ADK: variants seen among roughly 807,000 people sequenced by gnomAD.
ADK encodes the protein N6,N6-dimethyladenosine kinase.
A neutral mutation model predicts 44.7 loss-of-function variants in ADK; 24 were observed. The ratio of observed to expected loss-of-function variants is 0.54; its 90% CI spans 0.39 to 0.76. ADK has a LOEUF of 0.76. Ranked by LOEUF, ADK falls within the 30% of genes least tolerant of loss-of-function variation. The pLI, the probability that ADK is intolerant of heterozygous loss-of-function variation, is 0.00. For synonymous variants in ADK, 128 were observed against 142.6 expected (o/e 0.90, Z 0.73); for missense variants, 321 against 425.1 (o/e 0.76, Z 2.15).
chr10:74,240,746 C>G (rs993224911), intron 3 of ADK, among the ~76,000 whole-genome samples: 1 of 152,132 alleles, frequency 6.6e-6, no homozygotes, highest in Non-Finnish European at 1.5e-5. Context: ...CCTTAGACCA[C>G]TATATACTTG....
At chr10:74,552,295 A>G (rs912138056) in intron 7 of ADK, among the ~76,000 whole-genome samples, 1 of 152,184 alleles carries the variant, frequency 6.6e-6, no homozygotes, top group African/African-American at 2.4e-5. Context: ...CAAAAAAAAA[A>G]TGTTTTCATA....
chr10:74,525,472 T>C (rs1260133043), intron 7 of ADK, 46 bp downstream of exon 7: 3 of 1,492,706 alleles, frequency 2.0e-6, no homozygotes, highest in Non-Finnish European at 2.8e-6. Flanking sequence ...GTTTTTTGTT[T>C]GTTTATTTCT....
Position 74,708,517 on chromosome 10 carries a change from A to G in ADK, c.*72A>G, listed in dbSNP as rs1444305950. The G allele has an allele frequency of 1.1e-4, 165 of 1,547,880 alleles. No individual in the cohort carries two copies. Among genetic ancestry groups the G allele is most frequent in the Non-Finnish European group, 1.3e-4 (154 of 1,141,944 alleles). ...TTGCTTCCTGAGAATTCCCATATTA[A>G]TAAAGAAGAAAATTATCTGCCATTT... On this transcript the variant is annotated 3_prime_UTR_variant, in exon 11 of 11. Transcript: ENST00000539909.
At chr10:74,617,741 A>G (rs1162888768) in intron 9 of ADK, among the ~76,000 whole-genome samples, 1 of 151,790 alleles carries the variant, frequency 6.6e-6, no homozygotes, top group Non-Finnish European at 1.5e-5. Context: ...GATTACAGGC[A>G]CGTACCACCA....
intron 9 of ADK, among the ~76,000 whole-genome samples, chr10:74,649,270 A>C (rs1377106749): frequency 6.6e-6 from 1 of 152,216 alleles, no homozygotes; most frequent in Non-Finnish European, 1.5e-5. Context: ...GTTTTGTTAA[A>C]GTAGTATATA....
intron 6 of ADK, among the ~76,000 whole-genome samples, chr10:74,408,914 G>A (rs1844063551): frequency 6.6e-6 from 1 of 152,032 alleles, no homozygotes; most frequent in Non-Finnish European, 1.5e-5. Flanking sequence ...TCTATGTATA[G>A]GTTGACCTGC....
rs1243166264 is a variant in ADK, at chr10:74,459,740, AAAG to A, written c.555+61164_555+61166del. Among the ~76,000 whole-genome samples the A allele has an allele frequency of 3.7e-3, 534 of 145,080 alleles. 6 individuals carry two copies. The highest frequency in any genetic ancestry group is 0.012 in the African/African-American group (499 of 40,558). ...AAGACTCCATCTCAAAAAAAAAAAA[AAAG>A]AAAAAAAAGAAAGGAGAAAAAAGAA... is the stretch of plus-strand genomic sequence containing the variant. On this transcript the variant is annotated intron_variant, in intron 6 of 10. Transcript: ENST00000539909.
At chr10:74,249,423 A>C (rs747879333) in intron 3 of ADK, among the ~76,000 whole-genome samples, 1 of 152,014 alleles carries the variant, frequency 6.6e-6, no homozygotes, top group African/African-American at 2.4e-5. Context: ...CTCTGTATAT[A>C]GTTTATATCC....
intron 7 of ADK, among the ~76,000 whole-genome samples, chr10:74,587,329 T>C (rs547742105): frequency 9.9e-5 from 15 of 152,220 alleles, no homozygotes; most frequent in Non-Finnish European, 2.2e-4. Context: ...TATTTGCTTA[T>C]TTTTGTCTAC....
At chr10:74,160,715 G>A (rs1005473526) in intron 1 of ADK, among the ~76,000 whole-genome samples, 1 of 150,354 alleles carries the variant, frequency 6.7e-6, no homozygotes, top group Non-Finnish European at 1.5e-5. Context: ...GTGTGTGTGT[G>A]TGTATGTGTG....
At chr10:74,486,129 G>A (rs1208834506) in intron 6 of ADK, among the ~76,000 whole-genome samples, 2 of 152,100 alleles carry the variant, frequency 1.3e-5, no homozygotes, top group Non-Finnish European at 2.9e-5. Flanking sequence ...GATCATGGGG[G>A]CGGTATCCTT....
intron 6 of ADK, among the ~76,000 whole-genome samples, chr10:74,466,553 G>C (rs1329823824): frequency 6.6e-6 from 1 of 152,058 alleles, no homozygotes; most frequent in African/African-American, 2.4e-5. Flanking sequence ...AGGAACTGCA[G>C]GATTACTCTG....
chr10:74,582,046 A>T (rs1243421921), intron 7 of ADK, among the ~76,000 whole-genome samples: 1 of 152,184 alleles, frequency 6.6e-6, no homozygotes, highest in East Asian at 1.9e-4. Flanking sequence ...GAATCCAATG[A>T]TAGAAAGGAA....
At chr10:74,680,372 T>G (rs566272849) in intron 10 of ADK, among the ~76,000 whole-genome samples, 1 of 152,264 alleles carries the variant, frequency 6.6e-6, no homozygotes, top group South Asian at 2.1e-4. Context: ...TGATGTGATT[T>G]GTATTTTGTT....
At chr10:74,224,483 C>T in intron 2 of ADK, 55 bp from the exon 3 acceptor site, 2 of 1,445,226 alleles carry the variant, frequency 1.4e-6, no homozygotes, top group Non-Finnish European at 9.7e-7. Flanking sequence ...GGTCAGCTAA[C>T]TTACGTTGAC....
At chr10:74,369,751 A>T (rs147645339) in intron 4 of ADK, among the ~76,000 whole-genome samples, 1 of 152,184 alleles carries the variant, frequency 6.6e-6, no homozygotes. Flanking sequence ...GTCTACTTTC[A>T]CTACTTCTGT....
At chr10:74,589,222 G>T in intron 7 of ADK, 60 bp from the exon 8 acceptor site, 1 of 1,504,542 alleles carries the variant, frequency 6.6e-7, no homozygotes, top group South Asian at 1.1e-5. Flanking sequence ...TCAAAAAATG[G>T]ATTATTTCTT....
At chr10:74,675,975 G>A (rs900899976) in intron 10 of ADK, among the ~76,000 whole-genome samples, 1 of 150,652 alleles carries the variant, frequency 6.6e-6, no homozygotes, top group Non-Finnish European at 1.5e-5. Flanking sequence ...CAGATTATGT[G>A]TAGGCACTTA....
intron 3 of ADK, among the ~76,000 whole-genome samples, chr10:74,300,280 T>C (rs1839969932): frequency 1.5e-5 from 1 of 64,900 alleles, no homozygotes; most frequent in African/African-American, 5.9e-5. Flanking sequence ...CCTTCCTTCC[T>C]TCCTTCCTTC....
Sources: gnomAD v4.1 joint callset for allele counts (sites outside exome capture counted in the v4.1 genomes callset) on GRCh38, gnomAD v4.1.1 for gene constraint, MANE v1.5 for transcripts, NCBI Gene and HGNC (gene_info 2026-07-23, HGNC 2026-07-21) for gene names.